The following AMOT variants were observed in gnomAD, a reference collection of about 807,000 sequenced individuals.
AMOT encodes angiomotin.
A neutral mutation model predicts 67.0 loss-of-function variants in AMOT; 11 were observed. That is an observed-to-expected ratio of 0.16 (90% CI 0.10 to 0.27). AMOT has a LOEUF of 0.27. Among genes scored for constraint, AMOT ranks in the 10% least tolerant of loss-of-function variants. The pLI, the probability that AMOT is intolerant of heterozygous loss-of-function variation, is 1.00. For missense variants in AMOT, 753 were observed against 852.0 expected (o/e 0.88, Z 1.45); for synonymous variants, 326 against 321.4 (o/e 1.01, Z -0.15).
At chrX:112,832,082 G>A (rs1036285005) in intron 2 of AMOT, among the ~76,000 whole-genome samples, 6 of 111,232 alleles carry the variant, frequency 5.4e-5, no homozygotes, top group Admixed American at 3.8e-4. Flanking sequence ...AAGGGAAGTT[G>A]CTAGACTGTA....
chrX:112,820,708 T>C (rs1934691013), intron 4 of AMOT, among the ~76,000 whole-genome samples: 1 of 111,533 alleles, frequency 9.0e-6, no homozygotes, highest in African/African-American at 3.3e-5. Context: ...CCCAGCTTCA[T>C]TGATATTTTG....
intron 8 of AMOT, among the ~76,000 whole-genome samples, chrX:112,797,033 T>C (rs1288770581): frequency 8.9e-6 from 1 of 112,083 alleles, no homozygotes; most frequent in African/African-American, 3.2e-5. Context: ...GCCACACTAA[T>C]ATTTTAATGT....
intron 1 of AMOT, among the ~76,000 whole-genome samples, chrX:112,834,891 T>C (rs1335180554): frequency 8.9e-6 from 1 of 112,612 alleles, no homozygotes; most frequent in African/African-American, 3.2e-5. Flanking sequence ...GTCCTCTTAT[T>C]TGTACCTCAA....
chrX:112,834,475 TAAG>T (rs1227819055), intron 1 of AMOT, among the ~76,000 whole-genome samples: 10 of 111,705 alleles, frequency 9.0e-5, no homozygotes, highest in South Asian at 3.8e-4. Flanking sequence ...GTGACACCAA[TAAG>T]AAGAAGGGAG....
chrX:112,831,315 T>G (rs1469826956), intron 2 of AMOT, among the ~76,000 whole-genome samples: 1 of 110,236 alleles, frequency 9.1e-6, no homozygotes, highest in East Asian at 2.8e-4. Context: ...CTCCATCTAT[T>G]CCTGACCTCA....
At chrX:112,781,341 G>A (rs1250002157) in intron 11 of AMOT, among the ~76,000 whole-genome samples, 2 of 107,994 alleles carry the variant, frequency 1.9e-5, no homozygotes, top group African/African-American at 6.8e-5. Context: ...TCGGGAGGCC[G>A]AGGCAGGAGA....
At chrX:112,824,317 G>A (rs781141572) in intron 3 of AMOT, among the ~76,000 whole-genome samples, 4 of 111,483 alleles carry the variant, frequency 3.6e-5, no homozygotes, top group African/African-American at 1.3e-4. Context: ...TTCACTCTAA[G>A]GATCTTCAGT....
At chrX:112,778,884 C>T (rs986109576) in intron 13 of AMOT, 113 bp downstream of exon 13, 26 of 844,369 alleles carry the variant, frequency 3.1e-5, no homozygotes, top group Middle Eastern at 4.4e-4. Flanking sequence ...TCCTTTAGAA[C>T]GTGAAAAACT....
chrX:112,794,158 C>T (rs1182355499), intron 8 of AMOT, among the ~76,000 whole-genome samples: 1 of 111,848 alleles, frequency 8.9e-6, no homozygotes, highest in Non-Finnish European at 1.9e-5. Context: ...TACTGCAATG[C>T]AAGCTCACAA....
At chrX:112,799,684 C>T (rs1414994907) in intron 8 of AMOT, among the ~76,000 whole-genome samples, 1 of 111,629 alleles carries the variant, frequency 9.0e-6, no homozygotes, top group African/African-American at 3.3e-5. Context: ...TGCCAGTAGG[C>T]TGTGGTCCAC....
chrX:112,800,392 T>C (rs1228630625), intron 8 of AMOT, among the ~76,000 whole-genome samples: 2 of 112,325 alleles, frequency 1.8e-5, no homozygotes, highest in African/African-American at 6.5e-5. Flanking sequence ...CAGAACACTT[T>C]GGAAGATTCC....
At chrX:112,835,231 G>T (rs1046986669) in intron 1 of AMOT, among the ~76,000 whole-genome samples, 1 of 111,508 alleles carries the variant, frequency 9.0e-6, no homozygotes, top group South Asian at 3.8e-4. Flanking sequence ...ATTTACCCTT[G>T]GTCACATGGT....
In AMOT at chrX:112,782,606, G is replaced by C. The variant is rs1426022419; in HGVS notation, c.2174C>G (p.Ala725Gly). ...TTCTTCCTCCTCTTTCTGGATGCGA[G>C]CTTCTAGAGCTGTGTCATAGCTGGT... ...PNTSYDTALE[A>G]RIQKEEEEIL... is the part of the protein sequence containing the mutation. Residue 725 changes from alanine (A) to glycine (G), a missense_variant, in exon 11 of 14, where the codon GCT becomes GGT. Around this residue, in one of 5 missense-constraint regions of AMOT, gnomAD observed 269 missense variants for 300.9 expected, o/e 0.89. Coordinates refer to ENST00000371959, the MANE Select transcript of AMOT (RefSeq NM_001113490.2). The C allele has an allele frequency of 8.3e-7, 1 of 1,211,514 alleles. No individual in the cohort carries two copies. Among genetic ancestry groups the C allele is most frequent in the Non-Finnish European group, 1.1e-6 (1 of 895,253 alleles).
At chrX:112,790,864 C>A in intron 9 of AMOT, 82 bp from the exon 10 acceptor site, 1 of 900,165 alleles carries the variant, frequency 1.1e-6, no homozygotes, top group Non-Finnish European at 1.5e-6. Context: ...GAGAGGATTA[C>A]TGCCCAGCCT....
chrX:112,828,145 A>C (rs908390729), intron 2 of AMOT, among the ~76,000 whole-genome samples: 1 of 110,582 alleles, frequency 9.0e-6, no homozygotes, highest in African/African-American at 3.3e-5. Flanking sequence ...AACTTTCCCA[A>C]CAGTCTTGCA....
At chrX:112,833,507 T>C (rs891113934) in intron 1 of AMOT, among the ~76,000 whole-genome samples, 3 of 104,734 alleles carry the variant, frequency 2.9e-5, no homozygotes, top group Non-Finnish European at 5.8e-5. Context: ...AAAATTTTCT[T>C]AGCTTCAAAA....
intron 5 of AMOT, among the ~76,000 whole-genome samples, chrX:112,812,113 A>G (rs930982545): frequency 8.9e-6 from 1 of 112,273 alleles, no homozygotes; most frequent in East Asian, 2.8e-4. Context: ...TAAAGTACAG[A>G]CAAGGAAGAA....
chrX:112,825,968 C>T (rs1204293951), intron 2 of AMOT, among the ~76,000 whole-genome samples: 3 of 109,185 alleles, frequency 2.7e-5, no homozygotes, highest in Non-Finnish European at 5.7e-5. Flanking sequence ...GATGCCTCCA[C>T]TTGCTTTCTT....
At chrX:112,804,898 T>TTGCCCCCCCCCCCCCCCCC in intron 8 of AMOT, 49 bp downstream of exon 8, 6 of 837,572 alleles carry the variant, frequency 7.2e-6, no homozygotes, top group African/African-American at 2.0e-5. Flanking sequence ...GTCCCCGATT[T>TTGCCCCCCCCCCCCCCCCC]CCCAGCCCTC....
Sources: gnomAD v4.1 joint callset for allele counts (sites outside exome capture counted in the v4.1 genomes callset) on GRCh38, gnomAD v4.1.1 for gene constraint, gnomAD v4.1.1 regional missense constraint, MANE v1.5 for transcripts, NCBI Gene and HGNC (gene_info 2026-07-23, HGNC 2026-07-21) for gene names.